DNAH7: variants seen among roughly 807,000 people sequenced by gnomAD.
The protein encoded by DNAH7 is axonemal beta dynein heavy chain 7.
A neutral mutation model predicts 444.6 loss-of-function variants in DNAH7; 397 were observed. That is an observed-to-expected ratio of 0.89 (90% CI 0.82 to 0.97). DNAH7 has a LOEUF of 0.97. Among genes scored for constraint, DNAH7 ranks in the 50% least tolerant of loss-of-function variants. The pLI is 0.00. For synonymous variants in DNAH7, 1,636 were observed against 1,624.4 expected (o/e 1.01, Z -0.17); for missense variants, 4,902 against 4,800.8 (o/e 1.02, Z -0.62).
intron 24 of DNAH7, among the ~76,000 whole-genome samples, chr2:195,911,176 G>A (rs979618181): frequency 3.0e-4 from 46 of 152,232 alleles, no homozygotes; most frequent in Middle Eastern, 3.4e-3. Context: ...TATAAATGGC[G>A]TCCTACTCTC....
chr2:195,855,237 TTTC>T (rs1377810125), intron 45 of DNAH7, among the ~76,000 whole-genome samples: 2 of 152,238 alleles, frequency 1.3e-5, no homozygotes, highest in Non-Finnish European at 2.9e-5. Flanking sequence ...ATATTATGAA[TTTC>T]TTCTGGCCCA....
chr2:195,831,085 A>G lies in DNAH7; in HGVS notation c.9100+3121T>C, dbSNP rs17589031. ...AAAGTAAGGAAGGCTCAGATATGAT[A>G]AATTCTGCTGTTGATACAAAGTTTT... On this transcript the variant is annotated intron_variant, in intron 48 of 64. Transcript: ENST00000312428. 0.019 allele frequency among the ~76,000 whole-genome samples: 2,959 copies of G among 152,310 alleles called. 244 individuals carry two copies. In the East Asian group the frequency reaches 0.26, roughly 14 times the overall value.
intron 63 of DNAH7, among the ~76,000 whole-genome samples, chr2:195,744,245 G>A (rs567719810): frequency 2.8e-4 from 42 of 152,328 alleles, no homozygotes; most frequent in South Asian, 1.0e-3. Flanking sequence ...CTACGCCCAC[G>A]GAGTCTCGCT....
intron 24 of DNAH7, among the ~76,000 whole-genome samples, chr2:195,920,391 AAC>A (rs1414955485): frequency 2.0e-5 from 3 of 152,204 alleles, no homozygotes; most frequent in African/African-American, 7.2e-5. Flanking sequence ...AATGGAACAA[AAC>A]AGAGAACCCA....
rs760434933 is a variant in DNAH7 at position 195,884,766 on chromosome 2, CAAG to C, written c.5579_5581del (p.Ser1860del). The C allele has an allele frequency of 3.1e-6, 5 of 1,613,876 alleles. No individual in the cohort carries two copies. Among genetic ancestry groups the C allele is most frequent in the Non-Finnish European group, 3.4e-6 (4 of 1,179,974 alleles). On this transcript the variant is annotated inframe_deletion, in exon 35 of 65. Coordinates refer to ENST00000312428, the MANE Select transcript of DNAH7 (RefSeq NM_018897.3). The stretch of plus-strand genomic sequence containing the variant: ...AAATTTCAATCGATCATCATCTGTA[CAAG>C]AAGCACCAACGGACCAGATCAATGA...
chr2:195,804,084 T>C (rs1367785202), intron 54 of DNAH7, among the ~76,000 whole-genome samples: 1 of 152,112 alleles, frequency 6.6e-6, no homozygotes, highest in Non-Finnish European at 1.5e-5. Context: ...CAAATTGTGC[T>C]CATGGAGCAT....
chr2:195,855,912 T>C lies in DNAH7; in HGVS notation c.8494A>G (p.Arg2832Gly). ...GELKIAMDGL[R>G]KKQAALKEVQ... ...TCCTTAAGGGCTGCCTGCTTCTTTC[T>C]AAGACCATCCATGGCAATTTTAAGC... The change falls in exon 45 of 65, where the codon AGA becomes GGA. Residue 2832 changes from arginine (R) to glycine (G), a missense_variant. Coordinates refer to ENST00000312428, the MANE Select transcript of DNAH7 (RefSeq NM_018897.3). The C allele has an allele frequency of 1.2e-6, 2 of 1,614,088 alleles. No individual in the cohort carries two copies. The highest frequency in any genetic ancestry group is 1.7e-6 in the Non-Finnish European group (2 of 1,179,976).
At chr2:195,929,512 T>C (rs963061902) in intron 21 of DNAH7, among the ~76,000 whole-genome samples, 1 of 152,160 alleles carries the variant, frequency 6.6e-6, no homozygotes, top group Non-Finnish European at 1.5e-5. Flanking sequence ...ATGGTATGTG[T>C]ACAAAAACAG....
At chr2:196,031,486 T>G (rs1276910066) in intron 5 of DNAH7, among the ~76,000 whole-genome samples, 1 of 152,250 alleles carries the variant, frequency 6.6e-6, no homozygotes, top group Non-Finnish European at 1.5e-5. Context: ...ATTTCTCCTC[T>G]GAAAATAAGA....
At chr2:195,749,776 G>C (rs933901086) in intron 63 of DNAH7, among the ~76,000 whole-genome samples, 1 of 147,074 alleles carries the variant, frequency 6.8e-6, no homozygotes, top group African/African-American at 2.5e-5. Flanking sequence ...GGTGGGAATT[G>C]AACAATGAGG....
Position 195,990,465 on chromosome 2 carries a change from C to G in DNAH7, c.1354-2236G>C, listed in dbSNP as rs2125645299. Among the ~76,000 whole-genome samples the G allele has an allele frequency of 2.0e-5, 3 of 152,090 alleles. No homozygotes were observed. The South Asian group carries it at 6.2e-4, about 32-fold the overall frequency. On this transcript the variant is annotated intron_variant, in intron 12 of 64. Coordinates refer to ENST00000312428, the MANE Select transcript of DNAH7 (RefSeq NM_018897.3). ...ATCACTTGAGCCCAGGAGCTCAAGA[C>G]CAGCCTGAGCAATATGGCAAAACCC...
intron 46 of DNAH7, among the ~76,000 whole-genome samples, chr2:195,846,970 T>TGTGTGCGC (rs1699034550): frequency 6.6e-6 from 1 of 151,112 alleles, no homozygotes; most frequent in African/African-American, 2.4e-5. Flanking sequence ...TGTGTGTGTG[T>TGTGTGCGC]GTGTGTGTGT....
chr2:195,865,968 A>G (rs1700315590), intron 40 of DNAH7, among the ~76,000 whole-genome samples: 1 of 152,188 alleles, frequency 6.6e-6, no homozygotes, highest in Non-Finnish European at 1.5e-5. Context: ...GGCTTTAGCA[A>G]GCCAGCGTGA....
chr2:196,057,964 A>G, intron 2 of DNAH7, 90 bp downstream of exon 2: 1 of 1,081,080 alleles, frequency 9.3e-7, no homozygotes, highest in Non-Finnish European at 1.3e-6. Context: ...ATTTAAAATC[A>G]GAAATTCAGT....
chr2:196,045,426 C>G (rs1697059569), intron 5 of DNAH7, among the ~76,000 whole-genome samples: 1 of 151,818 alleles, frequency 6.6e-6, no homozygotes, highest in South Asian at 2.1e-4. Context: ...AAGAGACAAA[C>G]TTCAGCAAAA....
At chr2:195,976,782 A>AGAGAGAGAGAGAGAGAGAGAGAGAGG (rs1271798254) in intron 15 of DNAH7, among the ~76,000 whole-genome samples, 2 of 146,704 alleles carry the variant, frequency 1.4e-5, no homozygotes, top group African/African-American at 2.6e-5. Flanking sequence ...AGAGAGAGAG[A>AGAGAGAGAGAGAGAGAGAGAGAGAGG]GAGAGACTCT....
At chr2:195,931,793 G>A (rs1489991499) in intron 21 of DNAH7, among the ~76,000 whole-genome samples, 2 of 152,132 alleles carry the variant, frequency 1.3e-5, no homozygotes, top group African/African-American at 4.8e-5. Context: ...TCTCTGTTTT[G>A]GTAACAGTGC....
intron 63 of DNAH7, among the ~76,000 whole-genome samples, chr2:195,750,839 A>G (rs1172851560): frequency 2.0e-5 from 3 of 152,172 alleles, no homozygotes; most frequent in Non-Finnish European, 4.4e-5. Flanking sequence ...ATTTGCTTTT[A>G]CCCAATTTAG....
chr2:195,784,538 A>G (rs530909409), intron 58 of DNAH7, among the ~76,000 whole-genome samples: 61 of 152,348 alleles, frequency 4.0e-4, no homozygotes, highest in African/African-American at 1.4e-3. Context: ...TTTGCCAATT[A>G]TGAATAAAGC....
Sources: gnomAD v4.1 joint callset for allele counts (sites outside exome capture counted in the v4.1 genomes callset) on GRCh38, gnomAD v4.1.1 for gene constraint, MANE v1.5 for transcripts, NCBI Gene and HGNC (gene_info 2026-07-23, HGNC 2026-07-21) for gene names.